The following CNTLN variants were observed in gnomAD, a reference collection of about 807,000 sequenced individuals.
CNTLN encodes the protein centlein.
Under a neutral mutation model 180.0 loss-of-function variants are expected in CNTLN, and 212 were observed. The observed-to-expected ratio is 1.18, with a 90% CI of 1.05 to 1.32. The LOEUF (loss-of-function observed/expected upper bound fraction) is 1.32. CNTLN is among the 40% of genes most tolerant of loss of function. The pLI is 0.00. For missense variants in CNTLN, 2,095 were observed against 1,610.9 expected (o/e 1.30, Z -5.14); for synonymous variants, 722 against 563.1 (o/e 1.28, Z -3.99).
chr9:17,202,007 C>T (rs1321965159), intron 2 of CNTLN, among the ~76,000 whole-genome samples: 6 of 152,048 alleles, frequency 3.9e-5, no homozygotes, highest in East Asian at 1.9e-4. Context: ...CTGCTTTAGA[C>T]GTGTCCAGAA....
chr9:17,421,180 G>C (rs574707986), intron 18 of CNTLN, among the ~76,000 whole-genome samples: 3 of 152,038 alleles, frequency 2.0e-5, no homozygotes, highest in African/African-American at 7.2e-5. Context: ...AGCTATTATT[G>C]TATTGTCATA....
chr9:17,514,855 C>T, the CNTLN span, among the ~76,000 whole-genome samples: 7 of 152,138 alleles, frequency 4.6e-5, no homozygotes, highest in African/African-American at 1.4e-4. Flanking sequence ...GAACCATGTG[C>T]CTTTATGACC....
intron 12 of CNTLN, among the ~76,000 whole-genome samples, chr9:17,360,970 A>G (rs989412719): frequency 1.3e-5 from 2 of 152,270 alleles, no homozygotes; most frequent in South Asian, 2.1e-4. Context: ...AATGTTCTGT[A>G]TCCTTACTTA....
intron 18 of CNTLN, among the ~76,000 whole-genome samples, chr9:17,421,033 G>A (rs979121230): frequency 6.6e-6 from 1 of 152,122 alleles, no homozygotes; most frequent in African/African-American, 2.4e-5. Flanking sequence ...TGTGTATTCT[G>A]CAGCTGTTTG....
intron 13 of CNTLN, among the ~76,000 whole-genome samples, chr9:17,381,902 G>A (rs1393952397): frequency 6.6e-6 from 1 of 152,110 alleles, no homozygotes; most frequent in Non-Finnish European, 1.5e-5. Flanking sequence ...AAATTTCCAA[G>A]GGGTGATCAG....
chr9:17,433,640 G>C (rs1829565460), intron 18 of CNTLN, among the ~76,000 whole-genome samples: 1 of 151,468 alleles, frequency 6.6e-6, no homozygotes, highest in Admixed American at 6.6e-5. Context: ...CTTTTTTGTT[G>C]TTGTTGAGAC....
At chr9:17,520,985 T>C in the CNTLN span, among the ~76,000 whole-genome samples, 1 of 152,218 alleles carries the variant, frequency 6.6e-6, no homozygotes, top group African/African-American at 2.4e-5. Flanking sequence ...CATGAAAAAT[T>C]CTGTGGATTG....
intron 5 of CNTLN, among the ~76,000 whole-genome samples, chr9:17,242,731 T>A (rs1825571460): frequency 6.6e-6 from 1 of 152,224 alleles, no homozygotes. Flanking sequence ...TGATGAATGA[T>A]CTTTTTGATT....
chr9:17,284,032 T>C (rs188054287), intron 6 of CNTLN, among the ~76,000 whole-genome samples: 128 of 151,862 alleles, frequency 8.4e-4, no homozygotes, highest in African/African-American at 3.0e-3. Flanking sequence ...TGTTTGTTTG[T>C]TTTTTTGAGA....
chr9:17,266,257 C>T (rs1045675341), intron 5 of CNTLN, among the ~76,000 whole-genome samples: 4 of 152,150 alleles, frequency 2.6e-5, no homozygotes, highest in Non-Finnish European at 4.4e-5. Context: ...TCATTGGTTT[C>T]AAATAACATC....
At chr9:17,474,606 C>T (rs954568173) in intron 23 of CNTLN, among the ~76,000 whole-genome samples, 3 of 152,136 alleles carry the variant, frequency 2.0e-5, no homozygotes, top group Admixed American at 6.6e-5. Context: ...TAGTGGCTCA[C>T]GCCTGTAATC....
the CNTLN span, among the ~76,000 whole-genome samples, chr9:17,528,309 C>T: frequency 6.6e-6 from 1 of 152,222 alleles, no homozygotes; most frequent in African/African-American, 2.4e-5. Flanking sequence ...ATTGGTAATA[C>T]TGTGTGTACC....
At chr9:17,323,258 A>G (rs1287226404) in intron 8 of CNTLN, among the ~76,000 whole-genome samples, 1 of 152,196 alleles carries the variant, frequency 6.6e-6, no homozygotes, top group East Asian at 1.9e-4. Flanking sequence ...TTTGCAACCC[A>G]AAGGTAGTCA....
intron 18 of CNTLN, among the ~76,000 whole-genome samples, chr9:17,424,170 A>T (rs868449531): frequency 5.9e-5 from 9 of 152,266 alleles, no homozygotes; most frequent in Non-Finnish European, 1.0e-4. Flanking sequence ...ATTTTCTTAA[A>T]ATTTGTTTCT....
At chr9:17,262,017 A>T (rs896357932) in intron 5 of CNTLN, among the ~76,000 whole-genome samples, 9 of 151,570 alleles carry the variant, frequency 5.9e-5, no homozygotes, top group Admixed American at 5.3e-4. Flanking sequence ...TATCAAAACC[A>T]CTATGAGATA....
chr9:17,513,660 G>A, the CNTLN span, among the ~76,000 whole-genome samples: 114,307 of 152,052 alleles, frequency 0.75, 43,481 homozygotes, highest in East Asian at 0.97. Context: ...TTGTGCCACC[G>A]CACTCCACAC....
chr9:17,290,494 C>T (rs971222379), intron 6 of CNTLN, among the ~76,000 whole-genome samples: 2 of 146,412 alleles, frequency 1.4e-5, no homozygotes, highest in Non-Finnish European at 1.5e-5. Context: ...GAGGTGGAGC[C>T]TACAGAGGCA....
chr9:17,404,730 T>A (rs116702268), intron 15 of CNTLN, among the ~76,000 whole-genome samples: 2,116 of 132,634 alleles, frequency 0.016, 99 homozygotes, highest in African/African-American at 0.056. Flanking sequence ...ATCATCCTTC[T>A]GAAACAAATT....
At chr9:17,354,544 T>C (rs1198505086) in intron 12 of CNTLN, among the ~76,000 whole-genome samples, 2 of 152,132 alleles carry the variant, frequency 1.3e-5, no homozygotes, top group Non-Finnish European at 2.9e-5. Context: ...AGTGCACCAA[T>C]CAACACTCTG....
Sources: allele counts gnomAD v4.1 joint callset (sites outside exome capture counted in the v4.1 genomes callset), GRCh38; gene constraint gnomAD v4.1.1; transcripts MANE v1.5; gene names NCBI Gene and HGNC (gene_info 2026-07-23, HGNC 2026-07-21).